The following ZNF3 variants were observed in gnomAD, a reference collection of about 807,000 sequenced individuals.
ZNF3 encodes C2-H2 type zinc finger protein.
In ZNF3, 16 loss-of-function variants were observed where a neutral mutation model predicts 36.9. The observed-to-expected ratio is 0.43, with a 90% CI of 0.29 to 0.66. ZNF3 has a LOEUF of 0.66. Ranked by LOEUF, ZNF3 falls within the 30% of genes least tolerant of loss-of-function variation. ZNF3 has a pLI of 0.13. For synonymous variants in ZNF3, 201 were observed against 201.9 expected (o/e 1.00, Z 0.04); for missense variants, 462 against 543.1 (o/e 0.85, Z 1.48).
intron 2 of ZNF3, chr7:100,078,952 G>A (rs1794579093): frequency 6.6e-6 from 1 of 152,254 alleles, no homozygotes. Context: ...AACAAAGGAA[G>A]AGGGGTCCTG....
In ZNF3 at chr7:100,070,846, C is replaced by G; in HGVS notation, c.*297G>C. 8.7e-7 allele frequency: 1 copy of G among 1,153,944 alleles called. No homozygotes were observed. Among genetic ancestry groups the G allele is most frequent in the Non-Finnish European group, 1.1e-6 (1 of 936,124 alleles). The allele number at this position is 1,153,944 out of a possible 1,614,324, so 71.5% of individuals were successfully genotyped here. A position where few individuals can be genotyped will look rare whatever the true frequency, so the allele number is the denominator to read the frequency against. ...ATTCTGTCCCGACTGTGCTTCCATC[C>G]CCACCTTGGAAAGGTTCCTCTGCTG... On this transcript the variant is annotated 3_prime_UTR_variant, in exon 6 of 6. Transcript: ENST00000299667.
At chr7:100,076,344 G>A (rs1195130603) in intron 3 of ZNF3, among the ~76,000 whole-genome samples, 1 of 151,476 alleles carries the variant, frequency 6.6e-6, no homozygotes, top group Admixed American at 6.6e-5. Flanking sequence ...CCAGGCTGGA[G>A]TGCAGTGGCG....
Position 100,070,727 on chromosome 7 carries a change from C to A in ZNF3, c.*416G>T. 1 of 1,004,682 alleles carries A rather than the reference C, an allele frequency of 1.0e-6. No homozygotes were observed. The highest frequency in any genetic ancestry group is 1.2e-6 in the Non-Finnish European group (1 of 840,856). The allele number at this position is 1,004,682 out of a possible 1,614,324, so 62.2% of individuals were successfully genotyped here. A position where few individuals can be genotyped will look rare whatever the true frequency, so the allele number is the denominator to read the frequency against. On this transcript the variant is annotated 3_prime_UTR_variant, in exon 6 of 6. Transcript: ENST00000299667. ...GGAACAGTAGCTTTGAAATAGTCTC[C>A]CTTTACCCTCCCTAGCAAATAACAG...
chr7:100,066,932 G>A (rs1419909048), downstream of ZNF3, among the ~76,000 whole-genome samples: 1 of 152,168 alleles, frequency 6.6e-6, no homozygotes, highest in African/African-American at 2.4e-5. Context: ...CTACTCAGGA[G>A]GCTAAGGCAG....
At chr7:100,076,304 T>TC (rs1794104208) in intron 3 of ZNF3, among the ~76,000 whole-genome samples, 1 of 151,938 alleles carries the variant, frequency 6.6e-6, no homozygotes, top group South Asian at 2.1e-4. Context: ...TTTTTTTTTT[T>TC]CTTTTTGAGG....
rs1208091198 is a variant in ZNF3 at position 100,070,486 on chromosome 7, G to A, written c.*657C>T. 3.0e-6 allele frequency: 3 copies of A among 985,580 alleles called. No individual in the cohort carries two copies. The highest frequency in any genetic ancestry group is 3.6e-6 in the Non-Finnish European group (3 of 830,088). 61.1% of individuals were successfully genotyped at this position (985,580 alleles called of 1,614,324 possible). A position where few individuals can be genotyped will look rare whatever the true frequency, so the allele number is the denominator to read the frequency against. ...GCCCATTCAGCCCCAGGACAACTGG[G>A]GGGGATGGCAGGGGGTCTGCTGGCA... On this transcript the variant is annotated 3_prime_UTR_variant, in exon 6 of 6. Transcript: ENST00000299667.
chr7:100,080,417 C>T (rs1794804157), intron 1 of ZNF3, among the ~76,000 whole-genome samples: 1 of 152,130 alleles, frequency 6.6e-6, no homozygotes, highest in African/African-American at 2.4e-5. Context: ...TTACTTGAGC[C>T]CAGGAGTTCC....
At position 100,077,417 on chromosome 7, in the gene ZNF3, AAG is replaced by A; in HGVS notation, c.-62_-61del. The A allele has an allele frequency of 6.2e-7, 1 of 1,613,360 alleles. No homozygotes were observed. The highest frequency in any genetic ancestry group is 1.1e-5 in the South Asian group (1 of 91,062). ...AGACTCAGCGGGAAGCGGGTTTTAAAAGAGAATGAGGAAGCACTGCAGAAGCA... is the reference window on the plus strand; with the variant it reads ...AGACTCAGCGGGAAGCGGGTTTTAAAAGAATGAGGAAGCACTGCAGAAGCA... On this transcript the variant is annotated 5_prime_UTR_variant, in exon 3 of 6. Transcript: ENST00000299667.
Position 100,070,675 on chromosome 7 carries a change from T to G in ZNF3, c.*468A>C. 1 of 992,020 alleles carries G rather than the reference T, an allele frequency of 1.0e-6. No homozygotes were observed. Among genetic ancestry groups the G allele is most frequent in the Non-Finnish European group, 1.2e-6 (1 of 833,644 alleles). 61.5% of individuals were successfully genotyped at this position (992,020 alleles called of 1,614,324 possible). Reference sequence around the variant, plus strand: ...GAAATCATGAAACAAAACAGCATGTTTCTTACCGAAACTTAAAGCTGGACT... The same window carrying G: ...GAAATCATGAAACAAAACAGCATGTGTCTTACCGAAACTTAAAGCTGGACT... On this transcript the variant is annotated 3_prime_UTR_variant, in exon 6 of 6. Coordinates refer to ENST00000299667, the MANE Select transcript of ZNF3 (RefSeq NM_032924.5).
exon 6 of ZNF3, chr7:100,064,169 G>A (rs1295388935): frequency 6.2e-7 from 1 of 1,614,114 alleles, no homozygotes; most frequent in Admixed American, 1.7e-5. Context: ...CTCCACTACA[G>A]AACACACTTG....
chr7:100,081,965 A>G (rs1436664173), upstream of ZNF3, among the ~76,000 whole-genome samples: 3 of 152,100 alleles, frequency 2.0e-5, no homozygotes, highest in Non-Finnish European at 2.9e-5. This position sits in a 1 kb window ranked among gnomAD's most constrained non-coding sequence, Gnocchi z 4.3. Context: ...AATGTGCGAA[A>G]GCGGCCGACC....
chr7:100,067,730 G>A (rs985576829), downstream of ZNF3, among the ~76,000 whole-genome samples: 8 of 152,110 alleles, frequency 5.3e-5, no homozygotes, highest in African/African-American at 1.9e-4. Flanking sequence ...ACTCGGAAAA[G>A]AGCCAGGCAA....
rs796632633 is a variant in ZNF3, at chr7:100,075,330, TGAG to T, written c.145-72_145-70del. On this transcript the variant is annotated intron_variant, in intron 4 of 5. Transcript: ENST00000299667. ...TGAATGGCGGCACCAAAAAAATCACTGAGGATGGGGTGAAAAATGCACATTTGG... is the reference window on the plus strand; with the variant it reads ...TGAATGGCGGCACCAAAAAAATCACTGATGGGGTGAAAAATGCACATTTGG... The T allele has an allele frequency of 5.0e-6, 8 of 1,612,232 alleles. 1 individual carries two copies. The African/African-American group carries it at 1.1e-4, about 22-fold the overall frequency.
chr7:100,063,844 G>A, downstream of ZNF3: 1 of 1,614,008 alleles, frequency 6.2e-7, no homozygotes, highest in Non-Finnish European at 8.5e-7. Context: ...AGGTTCTGAA[G>A]CAGAGGGGCT....
At chr7:100,064,080 C>T in exon 6 of ZNF3, 1 of 1,614,128 alleles carries the variant, frequency 6.2e-7, no homozygotes, top group Non-Finnish European at 8.5e-7. Context: ...TCACCAAACA[C>T]AGGAGAACAC....
Position 100,071,501 on chromosome 7 carries a change from A to G in ZNF3, c.983T>C (p.Ile328Thr), listed in dbSNP as rs745879296. Residue 328 changes from isoleucine (I) to threonine (T), a missense_variant, in exon 6 of 6, where the codon ATT (isoleucine) becomes ACT (threonine). Ile to Thr is a moderately conservative substitution (Grantham distance 89). Transcript: ENST00000299667. ...TCCAGTGTGGATTCTCTGATGGTGAATAAGGGTTGAGCTCCTGCTGAAGGC... is the reference window on the plus strand; with the variant it reads ...TCCAGTGTGGATTCTCTGATGGTGAGTAAGGGTTGAGCTCCTGCTGAAGGC... Reference protein sequence around the residue: ...GKAFSRSSTLIHHQRIHTGEK... With the variant: ...GKAFSRSSTLTHHQRIHTGEK... 5 of 1,613,676 alleles carry G rather than the reference A, an allele frequency of 3.1e-6. No homozygotes were observed. In the South Asian group the frequency reaches 3.3e-5, roughly 11 times the overall value.
At chr7:100,069,011 GGA>G (rs1001679192), downstream of ZNF3, among the ~76,000 whole-genome samples, 2 of 151,030 alleles carry the variant, frequency 1.3e-5, no homozygotes, top group East Asian at 1.9e-4. Context: ...TTTTTTTTTA[GGA>G]GAGAGAGCAT....
chr7:100,071,733 T>A lies in ZNF3; in HGVS notation c.751A>T (p.Thr251Ser). ...SHLIQHQRIHTGEKPYECSDC... is the reference protein window; with the variant it reads ...SHLIQHQRIHSGEKPYECSDC... ...CTACATTCATAAGGTTTTTCCCCAG[T>A]GTGGATTCTCTGATGCTGAATAAGG... The change falls in exon 6 of 6, where the codon ACT (threonine) becomes TCT (serine). Residue 251 changes from threonine (T) to serine (S), a missense_variant. Transcript: ENST00000299667. The A allele has an allele frequency of 6.2e-7, 1 of 1,614,098 alleles. No homozygotes were observed. The highest frequency in any genetic ancestry group is 1.1e-5 in the South Asian group (1 of 91,062).
downstream of ZNF3, among the ~76,000 whole-genome samples, chr7:100,065,557 C>T (rs912941979): frequency 2.6e-5 from 4 of 151,828 alleles, no homozygotes; most frequent in Admixed American, 6.6e-5. Flanking sequence ...AGCCACAACT[C>T]GTCGGTTTTT....
Sources: allele counts gnomAD v4.1 joint callset (sites outside exome capture counted in the v4.1 genomes callset), GRCh38; gene constraint gnomAD v4.1.1; non-coding constraint Gnocchi (gnomAD v3.1); transcripts MANE v1.5; gene names NCBI Gene and HGNC (gene_info 2026-07-23, HGNC 2026-07-21).